The following ATP7A variants were observed in gnomAD, a reference collection of about 807,000 sequenced individuals.
ATP7A encodes copper-transporting ATPase 1.
A neutral mutation model predicts 83.5 loss-of-function variants in ATP7A; 7 were observed. That is an observed-to-expected ratio of 0.08 (90% CI 0.05 to 0.16). The LOEUF is 0.16. Ranked by LOEUF, ATP7A falls within the 10% of genes least tolerant of loss-of-function variation. ATP7A has a pLI of 1.00. For synonymous variants in ATP7A, 354 were observed against 395.2 expected (o/e 0.90, Z 1.24); for missense variants, 940 against 1,120.8 (o/e 0.84, Z 2.30).
At chrX:77,993,659 G>A (rs2077682767) in intron 4 of ATP7A, among the ~76,000 whole-genome samples, 1 of 111,368 alleles carries the variant, frequency 9.0e-6, no homozygotes, top group Non-Finnish European at 1.9e-5. Context: ...CCTCATATAA[G>A]GCATTTGATA....
intron 12 of ATP7A, among the ~76,000 whole-genome samples, chrX:78,018,767 A>G (rs1557235441): frequency 8.9e-6 from 1 of 112,177 alleles, no homozygotes; most frequent in African/African-American, 3.2e-5. Flanking sequence ...TTTATGAAGG[A>G]AGGAGATTTA....
At chrX:78,021,185 G>A (rs2077903544) in intron 14 of ATP7A, 106 bp downstream of exon 14, 2 of 872,609 alleles carry the variant, frequency 2.3e-6, no homozygotes, top group Admixed American at 2.4e-5. Flanking sequence ...ATCTTTAAAG[G>A]TTTGGAGTGG....
chrX:78,022,949 C>T (rs1557235995), intron 14 of ATP7A, among the ~76,000 whole-genome samples: 1 of 111,514 alleles, frequency 9.0e-6, no homozygotes, highest in Non-Finnish European at 1.9e-5. Context: ...CTCCCTTCTT[C>T]TCACCTTTTG....
At chrX:77,974,056 C>T (rs207478436) in intron 2 of ATP7A, among the ~76,000 whole-genome samples, 1 of 110,716 alleles carries the variant, frequency 9.0e-6, no homozygotes, top group South Asian at 3.7e-4. Flanking sequence ...GACTTTGTAT[C>T]CTGGAACGTA....
chrX:78,003,870 C>T (rs781817774), intron 6 of ATP7A, among the ~76,000 whole-genome samples: 1 of 110,746 alleles, frequency 9.0e-6, no homozygotes, highest in African/African-American at 3.3e-5. Context: ...TAAACCCAGG[C>T]GGCGGAGGTT....
chrX:77,932,621 CA>C (rs1430961080), intron 1 of ATP7A, among the ~76,000 whole-genome samples: 1 of 112,751 alleles, frequency 8.9e-6, no homozygotes, highest in Non-Finnish European at 1.9e-5. Context: ...CACCATTGAG[CA>C]CTGAGTGAAC....
chrX:77,952,298 A>G (rs1482783105), intron 1 of ATP7A, among the ~76,000 whole-genome samples: 2 of 112,099 alleles, frequency 1.8e-5, no homozygotes, highest in Non-Finnish European at 3.8e-5. Flanking sequence ...TGGCTGTACT[A>G]TTTTGCATTT....
At chrX:77,914,465 T>C (rs1212950316) in intron 1 of ATP7A, among the ~76,000 whole-genome samples, 1 of 111,140 alleles carries the variant, frequency 9.0e-6, no homozygotes, top group Non-Finnish European at 1.9e-5. Flanking sequence ...AGTGGTGCTA[T>C]CTCGGCTCAC....
chrX:77,937,128 T>C (rs4098250), intron 1 of ATP7A, among the ~76,000 whole-genome samples: 446 of 112,687 alleles, frequency 4.0e-3, no homozygotes, highest in Non-Finnish European at 5.9e-3. Context: ...ATAACAATTA[T>C]AACAAATGTA....
intron 1 of ATP7A, among the ~76,000 whole-genome samples, chrX:77,926,044 T>C (rs782072787): frequency 9.0e-6 from 1 of 110,613 alleles, no homozygotes; most frequent in Non-Finnish European, 1.9e-5. Context: ...CAGTTTTAGG[T>C]GAGCCTCTGG....
At chrX:77,943,284 T>C (rs1557225844) in intron 1 of ATP7A, among the ~76,000 whole-genome samples, 1 of 112,714 alleles carries the variant, frequency 8.9e-6, no homozygotes, top group Admixed American at 9.4e-5. Flanking sequence ...CTAATTATTT[T>C]AGTGCCCAGC....
intron 1 of ATP7A, among the ~76,000 whole-genome samples, chrX:77,911,539 A>G (rs1256051272): frequency 1.9e-5 from 2 of 107,933 alleles, no homozygotes; most frequent in Admixed American, 9.9e-5. Flanking sequence ...ACATTGAATT[A>G]GATGATACTG....
intron 3 of ATP7A, among the ~76,000 whole-genome samples, 153 bp from the exon 4 acceptor site, chrX:77,989,079 CA>C (rs371131137): frequency 7.5e-4 from 82 of 110,000 alleles, no homozygotes; most frequent in African/African-American, 1.5e-3. Flanking sequence ...TAGTCTATGC[CA>C]ATAACATTTT....
At chrX:77,966,849 G>A (rs2077509685) in intron 1 of ATP7A, 1 of 326,129 alleles carries the variant, frequency 3.1e-6, no homozygotes, top group African/African-American at 2.7e-5. Flanking sequence ...AGGTACATGT[G>A]TGCTATGGTG....
chrX:78,011,906 C>T (rs1557234605), intron 9 of ATP7A: 4 of 245,926 alleles, frequency 1.6e-5, no homozygotes, highest in South Asian at 1.5e-4. Flanking sequence ...ATATCTGCTA[C>T]TGTATATAAC....
At chrX:77,957,400 CTA>C (rs1169270410) in intron 1 of ATP7A, among the ~76,000 whole-genome samples, 3 of 108,832 alleles carry the variant, frequency 2.8e-5, no homozygotes, top group African/African-American at 1.0e-4. Flanking sequence ...TATTTACAAA[CTA>C]TACATTTATC....
At chrX:78,012,750 A>G (rs1397634059) in intron 9 of ATP7A, 129 bp from the exon 10 acceptor site, 46 of 574,714 alleles carry the variant, frequency 8.0e-5, no homozygotes, top group Non-Finnish European at 1.3e-4. Flanking sequence ...TTTTGGCTTA[A>G]TCTCCCTTTA....
intron 14 of ATP7A, among the ~76,000 whole-genome samples, chrX:78,024,888 G>A (rs1006310492): frequency 1.3e-4 from 14 of 111,371 alleles, no homozygotes; most frequent in Admixed American, 9.5e-5. Flanking sequence ...CAGGGCAGGT[G>A]CTTCTACCTG....
chrX:78,019,523 A>G (rs1478323406), intron 12 of ATP7A, among the ~76,000 whole-genome samples: 1 of 111,108 alleles, frequency 9.0e-6, no homozygotes. Context: ...GCTGGAGTGC[A>G]ATGGCACAAT....
Sources: gnomAD v4.1 joint callset for allele counts (sites outside exome capture counted in the v4.1 genomes callset) on GRCh38, gnomAD v4.1.1 for gene constraint, MANE v1.5 for transcripts, NCBI Gene and HGNC (gene_info 2026-07-23, HGNC 2026-07-21) for gene names.